Variants in FRMPD4 observed in about 807,000 individuals in gnomAD.
The protein encoded by FRMPD4 is FERM and PDZ domain-containing protein 4.
In FRMPD4, 22 loss-of-function variants were observed where a neutral mutation model predicts 94.1. The observed-to-expected ratio is 0.23, with a 90% CI of 0.17 to 0.33. The LOEUF (loss-of-function observed/expected upper bound fraction) is 0.33, where lower values mean the gene tolerates loss of function less well. Among genes scored for constraint, FRMPD4 ranks in the 10% least tolerant of loss-of-function variants. FRMPD4 has a pLI of 1.00. For missense variants in FRMPD4, 1,111 were observed against 1,339.9 expected (o/e 0.83, Z 2.67); for synonymous variants, 631 against 548.6 (o/e 1.15, Z -2.10).
intron 3 of FRMPD4, among the ~76,000 whole-genome samples, chrX:11,911,917 T>G (rs1247796102): frequency 8.9e-6 from 1 of 111,946 alleles, no homozygotes; most frequent in Non-Finnish European, 1.9e-5. Flanking sequence ...GCAGCCAAGA[T>G]CCATACACTT....
intron 3 of FRMPD4, among the ~76,000 whole-genome samples, chrX:12,124,516 G>A (rs1302466699): frequency 8.9e-6 from 1 of 111,883 alleles, no homozygotes; most frequent in Non-Finnish European, 1.9e-5. Flanking sequence ...AGTAATTAAT[G>A]TGTAATTAAA....
Position 12,594,037 on chromosome X carries a change from A to AT in FRMPD4, c.159-15674dup, listed in dbSNP as rs1266436770. Among the ~76,000 whole-genome samples, 105 of 106,919 alleles carry AT rather than the reference A, an allele frequency of 9.8e-4. 1 individual carries two copies. Among genetic ancestry groups the AT allele is most frequent in the African/African-American group, 3.2e-3 (95 of 29,533 alleles). The allele number at this position is 106,919 out of a possible 115,157, so 92.8% of individuals were successfully genotyped here. A position where few individuals can be genotyped will look rare whatever the true frequency, so the allele number is the denominator to read the frequency against. On this transcript the variant is annotated intron_variant, in intron 2 of 16. Coordinates refer to ENST00000675598, the MANE Select transcript of FRMPD4 (RefSeq NM_001368397.1). ...ATCTATGTGCCTGGTCATGTACTTC[A>AT]TTTTTTTTTTAATTGAGTTGCCTTT...
chrX:12,349,894 G>A (rs752847911), intron 1 of FRMPD4, among the ~76,000 whole-genome samples: 2 of 111,525 alleles, frequency 1.8e-5, no homozygotes, highest in South Asian at 7.6e-4. Flanking sequence ...AAGCAATAGA[G>A]GCTTAAATTA....
intron 3 of FRMPD4, among the ~76,000 whole-genome samples, chrX:12,016,016 A>G (rs1485803268): frequency 8.9e-6 from 1 of 112,522 alleles, no homozygotes; most frequent in African/African-American, 3.2e-5. Flanking sequence ...TCTTACTTGC[A>G]GTGGCACAGA....
In FRMPD4 at chrX:12,718,204, C is replaced by T. The variant is rs755813000; in HGVS notation, c.3378C>T (p.Ala1126=). 9.9e-6 allele frequency: 12 copies of T among 1,209,142 alleles called. No individual in the cohort carries two copies. Among genetic ancestry groups the T allele is most frequent in the East Asian group, 3.0e-5 (1 of 33,751 alleles). Residue 1126 remains alanine, a synonymous_variant, in exon 16 of 17, where the codon GCC becomes GCT. Transcript: ENST00000675598. ...PRASGLGARE[A]EGKEEGAPDG... The stretch of plus-strand genomic sequence containing the variant: ...CTTCTGGTCTTGGGGCAAGGGAGGC[C>T]GAAGGGAAGGAAGAAGGAGCTCCTG...
chrX:12,197,280 T>G (rs2056578601), intron 1 of FRMPD4, among the ~76,000 whole-genome samples: 1 of 110,857 alleles, frequency 9.0e-6, no homozygotes, highest in Non-Finnish European at 1.9e-5. Context: ...CTTGCTTCCA[T>G]AACTGTGAAA....
intron 4 of FRMPD4, among the ~76,000 whole-genome samples, chrX:12,653,897 A>G (rs373608661): frequency 1.2e-4 from 13 of 111,964 alleles, no homozygotes; most frequent in East Asian, 8.4e-4. Context: ...CCTCCCAAGT[A>G]GCTGGGATTA....
rs1308469382 is a variant in FRMPD4, at chrX:12,716,986, G to A, written c.2527G>A (p.Asp843Asn). ...GGAGAAAGGCAGCAGCCTGCAAAAT[G>A]ATGAGATCCCCGTGTCCCTCATTGA... is the stretch of plus-strand genomic sequence containing the variant. The part of the protein sequence containing the change: ...DKEKGSSLQN[D>N]EIPVSLIDAV... Residue 843 changes from aspartate (D) to asparagine (N), a missense_variant, in exon 15 of 17, where the codon GAT becomes AAT. Around this residue, in one of 8 missense-constraint regions of FRMPD4, gnomAD observed 74 missense variants for 93.9 expected, o/e 0.79. Coordinates refer to ENST00000675598, the MANE Select transcript of FRMPD4 (RefSeq NM_001368397.1). The A allele has an allele frequency of 2.5e-6, 3 of 1,210,763 alleles. No individual in the cohort carries two copies.
chrX:12,230,977 T>TATATATAGTATATATAGTATATATA (rs2056984194), intron 1 of FRMPD4, among the ~76,000 whole-genome samples: 2 of 48,601 alleles, frequency 4.1e-5, no homozygotes, highest in African/African-American at 7.6e-5. Context: ...TATATAGTAA[T>TATATATAGTATATATAGTATATATA]ATATATAGTA....
chrX:12,310,860 T>C (rs5979578), intron 1 of FRMPD4, among the ~76,000 whole-genome samples: 4,600 of 112,469 alleles, frequency 0.041, 230 homozygotes, highest in African/African-American at 0.14. Flanking sequence ...GCTTTATTTA[T>C]CCTTGAACTT....
At chrX:12,251,440 T>A (rs1369867934) in intron 1 of FRMPD4, among the ~76,000 whole-genome samples, 1 of 112,241 alleles carries the variant, frequency 8.9e-6, no homozygotes, top group Non-Finnish European at 1.9e-5. Context: ...ACATAGATTT[T>A]GGCTCATGAC....
At chrX:12,039,524 G>C (rs1415749128) in intron 3 of FRMPD4, among the ~76,000 whole-genome samples, 2 of 109,937 alleles carry the variant, frequency 1.8e-5, no homozygotes, top group African/African-American at 3.3e-5. Context: ...GAAAATTATT[G>C]TTTAATTTTC....
intron 3 of FRMPD4, among the ~76,000 whole-genome samples, chrX:11,982,403 T>C (rs1159271253): frequency 5.4e-5 from 6 of 111,231 alleles, no homozygotes; most frequent in Admixed American, 3.8e-4. Flanking sequence ...TCTTCTTATT[T>C]ATTCTGCTTG....
intron 1 of FRMPD4, among the ~76,000 whole-genome samples, chrX:12,303,818 C>G (rs1429081242): frequency 8.9e-6 from 1 of 112,125 alleles, no homozygotes; most frequent in African/African-American, 3.2e-5. Context: ...AAATGCTGTG[C>G]TAACTATAGA....
At chrX:12,161,243 C>A (rs1044223370) in intron 1 of FRMPD4, among the ~76,000 whole-genome samples, 1 of 110,866 alleles carries the variant, frequency 9.0e-6, no homozygotes, top group African/African-American at 3.3e-5. Flanking sequence ...ACTGCAACCT[C>A]CACCTCCCAG....
chrX:12,707,090 A>G (rs1257622481), intron 12 of FRMPD4, among the ~76,000 whole-genome samples, 175 bp downstream of exon 12: 1 of 111,063 alleles, frequency 9.0e-6, no homozygotes, highest in Non-Finnish European at 1.9e-5. Flanking sequence ...ACCACTGCAG[A>G]ATGCCCTAGA....
At chrX:12,571,312 T>A (rs537000754) in intron 2 of FRMPD4, among the ~76,000 whole-genome samples, 34 of 112,807 alleles carry the variant, frequency 3.0e-4, no homozygotes, top group South Asian at 2.9e-3. Context: ...GTTAAAAAAA[T>A]TTTTTTAAAC....
Position 12,318,555 on chromosome X carries a change from T to C in FRMPD4, c.41+179543T>C, listed in dbSNP as rs1427427729. On this transcript the variant is annotated intron_variant, in intron 1 of 16. Transcript: ENST00000675598. Reference sequence around the variant, plus strand: ...AACAAACAAGCAAACAAACAAAACATATGTGGAAGCTAAGAAAATTGACCT... The same window carrying C: ...AACAAACAAGCAAACAAACAAAACACATGTGGAAGCTAAGAAAATTGACCT... Among the ~76,000 whole-genome samples the C allele has an allele frequency of 1.8e-5, 2 of 109,426 alleles. 1 individual carries two copies. The highest frequency in any genetic ancestry group is 1.9e-4 in the Admixed American group (2 of 10,358).
chrX:12,563,737 C>T (rs1163053188), intron 2 of FRMPD4, among the ~76,000 whole-genome samples: 1 of 112,127 alleles, frequency 8.9e-6, no homozygotes, highest in Non-Finnish European at 1.9e-5. Context: ...TGGCTTTCCC[C>T]TCAATGCTGA....
Sources: allele counts gnomAD v4.1 joint callset (sites outside exome capture counted in the v4.1 genomes callset), GRCh38; gene constraint gnomAD v4.1.1; regional missense constraint gnomAD v4.1.1; transcripts MANE v1.5; gene names NCBI Gene and HGNC (gene_info 2026-07-23, HGNC 2026-07-21).